Variants in ABTB2 observed in about 807,000 individuals in gnomAD.
ABTB2 encodes ankyrin repeat and BTB/POZ domain-containing protein 2.
Under a neutral mutation model 104.1 loss-of-function variants are expected in ABTB2, and 56 were observed. That is an observed-to-expected ratio of 0.54 (90% CI 0.43 to 0.67). The LOEUF is 0.67. ABTB2 is among the 30% of genes least tolerant of loss of function. The pLI is 0.00. For missense variants in ABTB2, 1,279 were observed against 1,407.7 expected (o/e 0.91, Z 1.46); for synonymous variants, 606 against 608.2 (o/e 1.00, Z 0.05).
intron 3 of ABTB2, among the ~76,000 whole-genome samples, chr11:34,189,549 C>T (rs1853145974): frequency 6.6e-6 from 1 of 152,176 alleles, no homozygotes; most frequent in South Asian, 2.1e-4. Flanking sequence ...TGCAGTGAGC[C>T]GTGATCACGC....
intron 5 of ABTB2, among the ~76,000 whole-genome samples, chr11:34,169,656 G>T (rs975507113): frequency 1.3e-5 from 2 of 152,126 alleles, no homozygotes; most frequent in Non-Finnish European, 2.9e-5. Context: ...TGGACGGAGA[G>T]GCCCCCACGA....
chr11:34,236,438 G>A (rs1459556876), intron 1 of ABTB2, among the ~76,000 whole-genome samples: 1 of 152,108 alleles, frequency 6.6e-6, no homozygotes, highest in East Asian at 1.9e-4. Context: ...ATTTGGGGTG[G>A]GTCACTCGAC....
intron 1 of ABTB2, among the ~76,000 whole-genome samples, chr11:34,258,544 T>G (rs1854150714): frequency 6.6e-6 from 1 of 151,780 alleles, no homozygotes; most frequent in Non-Finnish European, 1.5e-5. Flanking sequence ...CTTAGAGTTG[T>G]GAGTTAAAAT....
intron 1 of ABTB2, among the ~76,000 whole-genome samples, chr11:34,235,776 G>C (rs1318729328): frequency 6.6e-6 from 1 of 152,166 alleles, no homozygotes; most frequent in East Asian, 1.9e-4. Flanking sequence ...AGCTTTTTCT[G>C]ATCCATGCTA....
intron 10 of ABTB2, among the ~76,000 whole-genome samples, chr11:34,162,117 C>T (rs749710500): frequency 2.0e-5 from 3 of 152,212 alleles, no homozygotes; most frequent in Admixed American, 6.5e-5. Context: ...TAACACAGGA[C>T]CTGACCTAAG....
chr11:34,335,682 T>A (rs563268125), intron 1 of ABTB2: 130 of 1,403,618 alleles, frequency 9.3e-5, no homozygotes, highest in Admixed American at 2.5e-4. Context: ...GTCTTTCACT[T>A]GATAAAGTTT....
chr11:34,336,014 G>A (rs923072781), intron 1 of ABTB2: 15 of 504,056 alleles, frequency 3.0e-5, no homozygotes, highest in African/African-American at 2.3e-4. Context: ...TCTACTGGAG[G>A]GGACAGTTCA....
chr11:34,300,997 C>G (rs1021573782), intron 1 of ABTB2, among the ~76,000 whole-genome samples: 10 of 152,112 alleles, frequency 6.6e-5, no homozygotes, highest in Non-Finnish European at 1.5e-5. Context: ...ATATAATTGT[C>G]TTTAATCTTT....
At chr11:34,172,393 A>ATATATATAT (rs58214998) in intron 4 of ABTB2, among the ~76,000 whole-genome samples, 9 of 28,206 alleles carry the variant, frequency 3.2e-4, no homozygotes, top group Admixed American at 7.7e-4. Flanking sequence ...AAAAAAAAAA[A>ATATATATAT]AAATATATAT....
intron 3 of ABTB2, among the ~76,000 whole-genome samples, chr11:34,178,797 C>T (rs951774457): frequency 2.6e-5 from 4 of 151,992 alleles, no homozygotes; most frequent in Non-Finnish European, 4.4e-5. Context: ...AAAAATTGGT[C>T]GGGCATGGCA....
At chr11:34,230,417 G>A (rs552929577) in intron 1 of ABTB2, among the ~76,000 whole-genome samples, 1 of 152,256 alleles carries the variant, frequency 6.6e-6, no homozygotes, top group Admixed American at 6.5e-5. Context: ...CAGTAAGACG[G>A]GGCCAACAAT....
intron 1 of ABTB2, among the ~76,000 whole-genome samples, chr11:34,266,809 C>T (rs986181319): frequency 2.0e-5 from 3 of 151,526 alleles, no homozygotes; most frequent in Non-Finnish European, 4.4e-5. Flanking sequence ...ATGTGGTAGT[C>T]GTTAGGAACA....
chr11:34,230,734 C>A (rs569219912), intron 1 of ABTB2, among the ~76,000 whole-genome samples: 31 of 152,282 alleles, frequency 2.0e-4, no homozygotes, highest in African/African-American at 7.2e-4. Context: ...TCTTCCAGTC[C>A]TTTTCCTCTT....
At chr11:34,163,496 G>A (rs1852752326) in intron 9 of ABTB2, among the ~76,000 whole-genome samples, 1 of 152,222 alleles carries the variant, frequency 6.6e-6, no homozygotes, top group South Asian at 2.1e-4. Context: ...GCCACTCCAG[G>A]TGGGGGTACA....
chr11:34,216,622 G>A (rs1404550798), intron 1 of ABTB2, among the ~76,000 whole-genome samples: 20 of 152,034 alleles, frequency 1.3e-4, no homozygotes, highest in African/African-American at 4.3e-4. Flanking sequence ...GTGGTGGCAG[G>A]TGCCTGTAAT....
chr11:34,205,602 CT>C (rs1385806581), intron 1 of ABTB2, among the ~76,000 whole-genome samples: 172 of 150,690 alleles, frequency 1.1e-3, no homozygotes, highest in East Asian at 7.8e-4. Flanking sequence ...CACCCACAAA[CT>C]TTTTTTTTTT....
Position 34,269,643 on chromosome 11 carries a change from A to G in ABTB2, c.884-64953T>C, listed in dbSNP as rs541756473. On this transcript the variant is annotated intron_variant, in intron 1 of 16. Transcript: ENST00000435224. Reference sequence around the variant, plus strand: ...TCCCAACGAGCCTTCATGTGTGGACAGAGAAATTTGAACTTCACACAAATG... The same window carrying G: ...TCCCAACGAGCCTTCATGTGTGGACGGAGAAATTTGAACTTCACACAAATG... 3.3e-5 allele frequency among the ~76,000 whole-genome samples: 5 copies of G among 152,382 alleles called. No individual in the cohort carries two copies. The South Asian group carries it at 1.0e-3, about 32-fold the overall frequency.
rs375952077 is a variant in ABTB2, at chr11:34,262,439, G to T, written c.884-57749C>A. On this transcript the variant is annotated intron_variant, in intron 1 of 16. Coordinates refer to ENST00000435224, the MANE Select transcript of ABTB2 (RefSeq NM_145804.3). The stretch of plus-strand genomic sequence containing the variant: ...CTTAGACCTCAATCTGCCTTCAAGG[G>T]ACTCAGATCCAGCGGAACTAGACAA... 1.3e-3 allele frequency among the ~76,000 whole-genome samples: 197 copies of T among 152,230 alleles called. 1 individual carries two copies. Among genetic ancestry groups the T allele is most frequent in the African/African-American group, 4.5e-3 (188 of 41,550 alleles).
At chr11:34,333,185 G>A (rs1237814578) in intron 1 of ABTB2, among the ~76,000 whole-genome samples, 1 of 152,176 alleles carries the variant, frequency 6.6e-6, no homozygotes, top group Admixed American at 6.5e-5. Context: ...TCAAGAACAG[G>A]TAAAAGTAAT....
Sources: gnomAD v4.1 joint callset for allele counts (sites outside exome capture counted in the v4.1 genomes callset) on GRCh38, gnomAD v4.1.1 for gene constraint, MANE v1.5 for transcripts, NCBI Gene and HGNC (gene_info 2026-07-23, HGNC 2026-07-21) for gene names.